The following TNRC6B variants were observed in gnomAD, a reference collection of about 807,000 sequenced individuals.
The protein encoded by TNRC6B is trinucleotide repeat containing adaptor 6B.
TNRC6B carries 52 observed loss-of-function variants against 203.6 expected under a neutral mutation model. The observed-to-expected ratio is 0.26, with a 90% CI of 0.20 to 0.32. The LOEUF (loss-of-function observed/expected upper bound fraction) is 0.32. Ranked by LOEUF, TNRC6B falls within the 10% of genes least tolerant of loss-of-function variation. The pLI is 1.00. For missense variants in TNRC6B, 1,923 were observed against 2,286.2 expected, an observed-to-expected ratio of 0.84 and a Z score of 3.24; for synonymous variants, 838 against 845.7, an observed-to-expected ratio of 0.99 and a Z score of 0.16.
chr22:40,159,988 ATT>A, intron 4 of TNRC6B, among the ~76,000 whole-genome samples: 1 of 152,166 alleles, frequency 6.6e-6, no homozygotes, highest in Non-Finnish European at 1.5e-5. Context: ...ATTAAAAAAA[ATT>A]TTTTTTGTAG....
At chr22:40,165,865 C>CACA (rs920940462) in intron 4 of TNRC6B, among the ~76,000 whole-genome samples, 1 of 152,126 alleles carries the variant, frequency 6.6e-6, no homozygotes, top group Non-Finnish European at 1.5e-5. Context: ...GGGTCCCTCC[C>CACA]ACAACACATG....
At chr22:40,147,523 G>A (rs2146343947) in intron 3 of TNRC6B, among the ~76,000 whole-genome samples, 1 of 152,328 alleles carries the variant, frequency 6.6e-6, no homozygotes, top group South Asian at 2.1e-4. Context: ...GTTGTCAGGG[G>A]AGGCCCCAAT....
At chr22:40,151,051 G>A (rs1300104600) in intron 3 of TNRC6B, among the ~76,000 whole-genome samples, 1 of 152,166 alleles carries the variant, frequency 6.6e-6, no homozygotes, top group Non-Finnish European at 1.5e-5. Context: ...ATGAATGAAA[G>A]ATGGTGACCA....
intron 1 of TNRC6B, among the ~76,000 whole-genome samples, chr22:40,079,154 C>A (rs886343681): frequency 1.3e-5 from 2 of 152,084 alleles, no homozygotes; most frequent in Admixed American, 1.3e-4. Flanking sequence ...CTCAAATGAT[C>A]TGCCTGCATT....
chr22:40,074,107 C>G (rs1249247885), intron 1 of TNRC6B, among the ~76,000 whole-genome samples: 2 of 150,890 alleles, frequency 1.3e-5, no homozygotes, highest in Non-Finnish European at 2.9e-5. Flanking sequence ...TGGCCTGTGC[C>G]TGTAGTCCCA....
At chr22:40,255,581 A>T (rs2070262640) in intron 3 of TNRC6B, among the ~76,000 whole-genome samples, 1 of 152,152 alleles carries the variant, frequency 6.6e-6, no homozygotes, top group Non-Finnish European at 1.5e-5. Context: ...CCCCTAAGAG[A>T]GTGAATGAAC....
chr22:40,322,809 G>A, intron 22 of TNRC6B, 45 bp from the exon 23 acceptor site: 1 of 1,610,864 alleles, frequency 6.2e-7, no homozygotes, highest in South Asian at 1.1e-5. Context: ...GTATGCTTTA[G>A]GATTTTCCTG....
At chr22:40,089,073 G>A (rs12159749) in intron 1 of TNRC6B, among the ~76,000 whole-genome samples, 3,887 of 152,178 alleles carry the variant, frequency 0.026, 172 homozygotes, top group African/African-American at 0.088. Context: ...TGAGATTGTT[G>A]TTGAGTGTAT....
intron 2 of TNRC6B, among the ~76,000 whole-genome samples, chr22:40,249,768 A>G (rs2070160807): frequency 6.6e-6 from 1 of 152,208 alleles, no homozygotes; most frequent in South Asian, 2.1e-4. Flanking sequence ...ATTCTTGGAT[A>G]AGTAAAGATG....
chr22:40,113,992 C>T (rs929237545), intron 1 of TNRC6B, among the ~76,000 whole-genome samples: 6 of 152,060 alleles, frequency 3.9e-5, no homozygotes, highest in African/African-American at 1.4e-4. Flanking sequence ...AATCTGTATC[C>T]CAAGAATTAT....
rs2071411743 is a variant in TNRC6B at position 40,326,995 on chromosome 22, A to G, written c.*3754A>G. 1 of 152,604 alleles carries G rather than the reference A, an allele frequency of 6.6e-6. No homozygotes were observed. The highest frequency in any genetic ancestry group is 2.1e-4 in the South Asian group (1 of 4,832). The allele number at this position is 152,604 out of a possible 1,614,324, so 9.5% of individuals were successfully genotyped here. A position where few individuals can be genotyped will look rare whatever the true frequency, so the allele number is the denominator to read the frequency against. ...CCCCATCCCTTAGCCGGAGATGTGG[A>G]GTGTTTCCTTTCAGTTTTTGGTGAT... On this transcript the variant is annotated 3_prime_UTR_variant, in exon 23 of 23. Coordinates refer to ENST00000454349, the MANE Select transcript of TNRC6B (RefSeq NM_001162501.2).
chr22:40,185,389 T>C (rs1185874709), intron 1 of TNRC6B, among the ~76,000 whole-genome samples: 1 of 152,222 alleles, frequency 6.6e-6, no homozygotes, highest in East Asian at 1.9e-4. Context: ...AAGGGAATAC[T>C]GTACTATTTT....
chr22:40,311,139 G>T, intron 17 of TNRC6B, 146 bp downstream of exon 17: 1 of 988,904 alleles, frequency 1.0e-6, no homozygotes, highest in Non-Finnish European at 1.5e-6. Context: ...TAGAAGCAAG[G>T]CATGTGCTGT....
rs180873804 is a variant in TNRC6B at position 40,240,288 on chromosome 22, T to G, written c.6-5727T>G. On this transcript the variant is annotated intron_variant, in intron 1 of 22. Transcript: ENST00000454349. Reference sequence around the variant, plus strand: ...ACCATTCAGGATTTATTCTAGATTATGGTGTTTGCACTTGCTTTATCTTTT... The same window carrying G: ...ACCATTCAGGATTTATTCTAGATTAGGGTGTTTGCACTTGCTTTATCTTTT... Among the ~76,000 whole-genome samples, 26 of 152,352 alleles carry G rather than the reference T, an allele frequency of 1.7e-4. 1 individual carries two copies. Among genetic ancestry groups the G allele is most frequent in the East Asian group, 1.5e-3 (8 of 5,192 alleles).
At chr22:40,137,168 T>G (rs1399087948) in intron 3 of TNRC6B, among the ~76,000 whole-genome samples, 1 of 152,256 alleles carries the variant, frequency 6.6e-6, no homozygotes, top group Non-Finnish European at 1.5e-5. Flanking sequence ...TTTAATAAAG[T>G]CTTTTGCTTT....
chr22:40,185,932 G>A (rs1344899013), intron 1 of TNRC6B, among the ~76,000 whole-genome samples: 5 of 152,258 alleles, frequency 3.3e-5, no homozygotes, highest in Non-Finnish European at 7.4e-5. Flanking sequence ...GGAAGATGAC[G>A]CATTCCAGGT....
In TNRC6B at chr22:40,331,913, T is replaced by G. The variant is rs905510747; in HGVS notation, c.*8672T>G. 3 of 308,956 alleles carry G rather than the reference T, an allele frequency of 9.7e-6. No homozygotes were observed. The highest frequency in any genetic ancestry group is 1.8e-5 in the Non-Finnish European group (3 of 168,060). 19.1% of individuals were successfully genotyped at this position (308,956 alleles called of 1,614,324 possible). ...AGAGACCTCTGAGTCCTCTTGCCAC[T>G]GTTGCTGGCAGGTCTGATGGCCAGG... On this transcript the variant is annotated 3_prime_UTR_variant, in exon 23 of 23. Transcript: ENST00000454349.
At chr22:40,303,046 CTTTTT>C (rs756951957) in intron 15 of TNRC6B, among the ~76,000 whole-genome samples, 1 of 90,062 alleles carries the variant, frequency 1.1e-5, no homozygotes, top group East Asian at 3.0e-4. Flanking sequence ...TCTTCTTCTT[CTTTTT>C]TTTTTTTTTT....
intron 3 of TNRC6B, among the ~76,000 whole-genome samples, chr22:40,259,062 T>C (rs2070331321): frequency 1.3e-5 from 2 of 152,198 alleles, no homozygotes; most frequent in Non-Finnish European, 2.9e-5. Context: ...GCCAACTTCT[T>C]GTTTATTCTC....
Sources: gnomAD v4.1 joint callset for allele counts (sites outside exome capture counted in the v4.1 genomes callset) on GRCh38, gnomAD v4.1.1 for gene constraint, MANE v1.5 for transcripts, NCBI Gene and HGNC (gene_info 2026-07-23, HGNC 2026-07-21) for gene names.